WRN: variants seen among roughly 807,000 people sequenced by gnomAD.
WRN encodes the protein bifunctional 3'-5' exonuclease/ATP-dependent helicase WRN.
A neutral mutation model predicts 180.7 loss-of-function variants in WRN; 149 were observed. The observed-to-expected ratio is 0.82, with a 90% CI of 0.72 to 0.94. The LOEUF (loss-of-function observed/expected upper bound fraction) is 0.94. WRN is among the 40% of genes least tolerant of loss of function. The pLI is 0.00. For synonymous variants in WRN, 548 were observed against 568.9 expected (o/e 0.96, Z 0.52); for missense variants, 1,661 against 1,700.1 (o/e 0.98, Z 0.40).
chr8:31,098,632 C>T (rs1009635909), intron 17 of WRN, among the ~76,000 whole-genome samples: 4 of 152,072 alleles, frequency 2.6e-5, no homozygotes, highest in East Asian at 1.9e-4. Flanking sequence ...AATGAATATA[C>T]GCAGGATATT....
intron 32 of WRN, among the ~76,000 whole-genome samples, chr8:31,154,999 T>A (rs1450641995): frequency 6.6e-6 from 1 of 152,196 alleles, no homozygotes; most frequent in Non-Finnish European, 1.5e-5. Flanking sequence ...GGGGTACTGA[T>A]AAACACATTT....
At chr8:31,135,407 T>A (rs1010874999) in intron 24 of WRN, among the ~76,000 whole-genome samples, 1 of 152,112 alleles carries the variant, frequency 6.6e-6, no homozygotes, top group East Asian at 1.9e-4. Flanking sequence ...TTATTAAACA[T>A]GTATTTTTGT....
intron 16 of WRN, among the ~76,000 whole-genome samples, chr8:31,093,647 A>G (rs1175450192): frequency 6.6e-6 from 1 of 152,150 alleles, no homozygotes; most frequent in African/African-American, 2.4e-5. Flanking sequence ...AATAAATTTT[A>G]TATGCTGAGA....
rs767673195 is a variant in WRN at position 31,065,001 on chromosome 8, C to G, written c.442C>G (p.Leu148Val). 3 of 1,613,632 alleles carry G rather than the reference C, an allele frequency of 1.9e-6. No individual in the cohort carries two copies. In the Admixed American group the frequency reaches 5.0e-5, roughly 27 times the overall value. ...VGIEGDQWKL[L>V]RDFDIKLKNF... ...AATTGAAGGAGATCAGTGGAAACTT[C>G]TACGTGACTTTGATATCAAATTGAA... The change falls in exon 5 of 35, where the codon CTA (leucine) becomes GTA (valine). Residue 148 changes from leucine (L) to valine (V), a missense_variant. By Grantham distance (32) the Leu-to-Val change is conservative. Transcript: ENST00000298139.
At chr8:31,098,897 TAA>T (rs1814096876) in intron 17 of WRN, among the ~76,000 whole-genome samples, 1 of 152,138 alleles carries the variant, frequency 6.6e-6, no homozygotes, top group Non-Finnish European at 1.5e-5. Context: ...ATGAAAGTTT[TAA>T]AAGAGACCAT....
chr8:31,160,334 A>G (rs960588958), intron 33 of WRN, among the ~76,000 whole-genome samples: 3 of 152,212 alleles, frequency 2.0e-5, no homozygotes, highest in Admixed American at 1.3e-4. Context: ...ACCATTTGCT[A>G]AGGTTAAATT....
At position 31,088,941 on chromosome 8, in the gene WRN, A is replaced by C. The variant is rs151001436; in HGVS notation, c.1628A>C (p.Tyr543Ser). The change falls in exon 13 of 35, where the codon TAC (tyrosine) becomes TCC (serine). Residue 543 changes from tyrosine to serine, a missense_variant. Around this residue, in one of 3 missense-constraint regions of WRN, gnomAD observed 1,141 missense variants for 1,149.4 expected, o/e 0.99. Coordinates refer to ENST00000298139, the MANE Select transcript of WRN (RefSeq NM_000553.6). Reference protein sequence around the residue: ...NEEQVTCLKMYFGHSSFKPVQ... With the variant: ...NEEQVTCLKMSFGHSSFKPVQ... ...GAGCAAGTTACTTGCCTCAAGATGT[A>C]CTTTGGCCATTCCAGTTTTAAACCG... 4 of 1,611,324 alleles carry C rather than the reference A, an allele frequency of 2.5e-6. No homozygotes were observed. Among genetic ancestry groups the C allele is most frequent in the African/African-American group, 1.3e-5 (1 of 74,862 alleles).
At chr8:31,085,468 C>CTT (rs1038655830) in intron 11 of WRN, among the ~76,000 whole-genome samples, 3 of 142,432 alleles carry the variant, frequency 2.1e-5, no homozygotes, top group African/African-American at 5.1e-5. Context: ...TTTGTTCCTT[C>CTT]TTTTTTTTTT....
At chr8:31,043,374 A>G (rs4733220) in intron 1 of WRN, among the ~76,000 whole-genome samples, 76,192 of 151,984 alleles carry the variant, frequency 0.5, 20,514 homozygotes, top group Middle Eastern at 0.61. Flanking sequence ...TTGTATAGCA[A>G]GGGGAATTGG....
rs1445190089 is a variant in WRN, at chr8:31,139,752, T to C, written c.2968-1678T>C. On this transcript the variant is annotated intron_variant, in intron 24 of 34. Transcript: ENST00000298139. The stretch of plus-strand genomic sequence containing the variant: ...TAAATACCTCCACAATCATGCATGC[T>C]AGCAGAAACAGCAGAGGAGTAGCCT... Among the ~76,000 whole-genome samples the C allele has an allele frequency of 2.6e-5, 4 of 152,100 alleles. No homozygotes were observed. In the East Asian group the frequency reaches 7.7e-4, roughly 29 times the overall value.
chr8:31,092,019 CAT>C (rs1813767036), intron 16 of WRN, 121 bp downstream of exon 16: 12 of 914,148 alleles, frequency 1.3e-5, no homozygotes, highest in Non-Finnish European at 1.9e-5. Context: ...CATTTCTAAT[CAT>C]GTGGTCAGAT....
Position 31,174,164 on chromosome 8 carries a change from C to T in WRN, c.*1062C>T, listed in dbSNP as rs1804197112. Among the ~76,000 whole-genome samples, 1 of 152,186 alleles carries T rather than the reference C, an allele frequency of 6.6e-6. No homozygotes were observed. The highest frequency in any genetic ancestry group is 2.1e-4 in the South Asian group (1 of 4,824). On this transcript the variant is annotated 3_prime_UTR_variant, in exon 35 of 35. Coordinates refer to ENST00000298139, the MANE Select transcript of WRN (RefSeq NM_000553.6). ...AAAATATAAAAGTCTCGTATATTCCCATTTTTCTGCATTGCATTACCAGAA... is the reference window on the plus strand; with the variant it reads ...AAAATATAAAAGTCTCGTATATTCCTATTTTTCTGCATTGCATTACCAGAA...
At position 31,175,991 on chromosome 8, in the gene WRN, A is replaced by AT. The variant is rs143586675; in HGVS notation, c.*2898dup. On this transcript the variant is annotated 3_prime_UTR_variant, in exon 35 of 35. Coordinates refer to ENST00000298139, the MANE Select transcript of WRN (RefSeq NM_000553.6). Reference sequence around the variant, plus strand: ...TAAAAGCTCTTTGGGGTCCTCAGTGATTTTTTTTTAAGAGTATGGAAGGGT... The same window carrying AT: ...TAAAAGCTCTTTGGGGTCCTCAGTGATTTTTTTTTTAAGAGTATGGAAGGGT... 1.3e-3 allele frequency among the ~76,000 whole-genome samples: 193 copies of AT among 151,770 alleles called. 1 individual carries two copies. Among genetic ancestry groups the AT allele is most frequent in the African/African-American group, 4.2e-3 (174 of 41,390 alleles).
intron 1 of WRN, among the ~76,000 whole-genome samples, chr8:31,035,692 T>C (rs1811427968): frequency 6.6e-6 from 1 of 152,218 alleles, no homozygotes; most frequent in African/African-American, 2.4e-5. Flanking sequence ...TCTTAGTCTT[T>C]TTTGTATCTG....
chr8:31,091,018 T>C (rs1232818819), intron 15 of WRN, 76 bp downstream of exon 15: 3 of 1,105,190 alleles, frequency 2.7e-6, no homozygotes, highest in Non-Finnish European at 4.2e-6. Context: ...CCATCATGCA[T>C]GTTAAAATCT....
At chr8:31,172,158 T>C (rs1318126) in intron 34 of WRN, among the ~76,000 whole-genome samples, 90,055 of 151,872 alleles carry the variant, frequency 0.59, 27,215 homozygotes, top group Admixed American at 0.67. Context: ...TGTGTGTGTG[T>C]GCCTGTGTGT....
At chr8:31,098,427 C>G (rs182691404) in intron 17 of WRN, among the ~76,000 whole-genome samples, 1 of 152,018 alleles carries the variant, frequency 6.6e-6, no homozygotes, top group African/African-American at 2.4e-5. Context: ...GTAGTTAGAA[C>G]TCTCTATTTT....
chr8:31,059,320 A>G lies in WRN; in HGVS notation c.209+55A>G. On this transcript the variant is annotated intron_variant, in intron 3 of 34. Transcript: ENST00000298139. The stretch of plus-strand genomic sequence containing the variant: ...TGAATTTGGACCCTTAGAAGGTACT[A>G]TTATGGTAATGTTTGTGAATATACT... 4 of 1,409,278 alleles carry G rather than the reference A, an allele frequency of 2.8e-6. 1 individual carries two copies. In the Admixed American group the frequency reaches 5.0e-5, roughly 18 times the overall value. 87.3% of individuals were successfully genotyped at this position (1,409,278 alleles called of 1,614,324 possible). A position where few individuals can be genotyped will look rare whatever the true frequency, so the allele number is the denominator to read the frequency against.
In WRN at chr8:31,147,884, AT is replaced by A. The variant is rs367782924; in HGVS notation, c.3572+425del. 8.7e-3 allele frequency among the ~76,000 whole-genome samples: 1,100 copies of A among 126,830 alleles called. 5 individuals carry two copies. The highest frequency in any genetic ancestry group is 0.025 in the African/African-American group (836 of 33,822). The allele number at this position is 126,830 out of a possible 152,430, so 83.2% of individuals were successfully genotyped here. A position where few individuals can be genotyped will look rare whatever the true frequency, so the allele number is the denominator to read the frequency against. On this transcript the variant is annotated intron_variant, in intron 30 of 34. Coordinates refer to ENST00000298139, the MANE Select transcript of WRN (RefSeq NM_000553.6). ...CTTCGTCTTCCTCTTCTTCTTCTTCATTTTTTTTTTTTTTTTTGTCTGAAGA... is the reference window on the plus strand; with the variant it reads ...CTTCGTCTTCCTCTTCTTCTTCTTCATTTTTTTTTTTTTTTTGTCTGAAGA...
Sources: gnomAD v4.1 joint callset for allele counts (sites outside exome capture counted in the v4.1 genomes callset) on GRCh38, gnomAD v4.1.1 for gene constraint, gnomAD v4.1.1 regional missense constraint, MANE v1.5 for transcripts, NCBI Gene and HGNC (gene_info 2026-07-23, HGNC 2026-07-21) for gene names.